SLC13A3: variants seen among roughly 807,000 people sequenced by gnomAD.
The protein encoded by SLC13A3 is solute carrier family 13 member 3.
SLC13A3 carries 40 observed loss-of-function variants against 59.0 expected under a neutral mutation model. The ratio of observed to expected loss-of-function variants is 0.68; its 90% confidence interval spans 0.53 to 0.88. The LOEUF is 0.88. SLC13A3 is among the 40% of genes least tolerant of loss of function. The pLI is 0.00. For synonymous variants in SLC13A3, 317 were observed against 330.3 expected (o/e 0.96, Z 0.44); for missense variants, 699 against 783.2 (o/e 0.89, Z 1.28).
At chr20:46,634,972 G>A (rs2062781728) in intron 1 of SLC13A3, among the ~76,000 whole-genome samples, 1 of 152,134 alleles carries the variant, frequency 6.6e-6, no homozygotes, top group African/African-American at 2.4e-5. Flanking sequence ...GGTGCTAATG[G>A]GAGGCCTTTC....
intron 3 of SLC13A3, chr20:46,608,942 C>T: frequency 1.9e-6 from 3 of 1,550,936 alleles, no homozygotes; most frequent in Non-Finnish European, 2.6e-6. Context: ...GGAAGTTGCA[C>T]ACATCATTTC....
At chr20:46,598,273 G>A (rs1164587698) in intron 4 of SLC13A3, among the ~76,000 whole-genome samples, 1 of 152,206 alleles carries the variant, frequency 6.6e-6, no homozygotes, top group Admixed American at 6.5e-5. Flanking sequence ...AAGACCAGAA[G>A]CAGGTGGAAA....
chr20:46,672,089 C>T (rs1243171753), upstream of SLC13A3, among the ~76,000 whole-genome samples: 4 of 152,220 alleles, frequency 2.6e-5, no homozygotes, highest in African/African-American at 9.6e-5. Flanking sequence ...GGGGTCCTTC[C>T]ACCAGACTTC....
intron 1 of SLC13A3, among the ~76,000 whole-genome samples, chr20:46,676,419 T>C (rs1310148590): frequency 6.8e-6 from 1 of 147,298 alleles, no homozygotes; most frequent in African/African-American, 2.5e-5. Context: ...CTCTTTTTTT[T>C]TTTTTTTTTT....
intron 1 of SLC13A3, among the ~76,000 whole-genome samples, chr20:46,645,005 G>A (rs1002963054): frequency 3.9e-5 from 6 of 152,184 alleles, no homozygotes; most frequent in African/African-American, 1.4e-4. Context: ...CCAGAATTCT[G>A]AAATCATTTT....
chr20:46,637,088 C>T (rs888450791), intron 1 of SLC13A3, among the ~76,000 whole-genome samples: 1 of 152,132 alleles, frequency 6.6e-6, no homozygotes, highest in African/African-American at 2.4e-5. Context: ...CGTGAGCCAC[C>T]GCGCCCGGCC....
chr20:46,573,126 G>A (rs552251742), intron 10 of SLC13A3, among the ~76,000 whole-genome samples: 10 of 152,246 alleles, frequency 6.6e-5, no homozygotes, highest in South Asian at 6.2e-4. Context: ...AGTCTGTATC[G>A]TTATTTATGT....
At chr20:46,625,393 C>G (rs898634009) in intron 1 of SLC13A3, among the ~76,000 whole-genome samples, 1 of 152,214 alleles carries the variant, frequency 6.6e-6, no homozygotes, top group Non-Finnish European at 1.5e-5. Context: ...CATGTGTCTG[C>G]AGGGGTTTTT....
At chr20:46,675,136 G>A (rs894433739), upstream of SLC13A3, among the ~76,000 whole-genome samples, 6 of 152,148 alleles carry the variant, frequency 3.9e-5, no homozygotes, top group African/African-American at 1.4e-4. Flanking sequence ...GCTGACCCAG[G>A]GGAATAGTGG....
chr20:46,635,383 C>T (rs1178108525), intron 1 of SLC13A3, among the ~76,000 whole-genome samples: 1 of 152,190 alleles, frequency 6.6e-6, no homozygotes, highest in African/African-American at 2.4e-5. Flanking sequence ...ACAGCCGCGT[C>T]CATGCAAAGT....
At chr20:46,600,578 T>A (rs953050061) in intron 3 of SLC13A3, 2 of 459,402 alleles carry the variant, frequency 4.4e-6, no homozygotes, top group Non-Finnish European at 9.1e-6. Context: ...TAACTCAAGC[T>A]TAGGCTTACC....
chr20:46,617,210 A>G (rs1476933558), intron 1 of SLC13A3, among the ~76,000 whole-genome samples: 1 of 152,226 alleles, frequency 6.6e-6, no homozygotes, highest in Non-Finnish European at 1.5e-5. Context: ...CCAAGCTATC[A>G]TTCATTCATC....
rs546485714 is a variant in SLC13A3 at position 46,577,750 on chromosome 20, G to A, written c.1220-2065C>T. On this transcript the variant is annotated intron_variant, in intron 9 of 12. Coordinates refer to ENST00000279027, the MANE Select transcript of SLC13A3 (RefSeq NM_022829.6). ...ACTGCAGCTCAACCTGATACCAGCC[G>A]ACTGTCTACAGCAGTAGCTGAAGGC... 8.3e-4 allele frequency among the ~76,000 whole-genome samples: 127 copies of A among 152,330 alleles called. 3 individuals are homozygous for A. The South Asian group carries it at 0.024, about 29-fold the overall frequency.
At chr20:46,678,099 G>A (rs1346062894) in intron 1 of SLC13A3, among the ~76,000 whole-genome samples, 1 of 152,182 alleles carries the variant, frequency 6.6e-6, no homozygotes, top group African/African-American at 2.4e-5. Flanking sequence ...TTTACAGGTG[G>A]AGAAACTGAG....
At chr20:46,628,841 C>T (rs181459010) in intron 1 of SLC13A3, among the ~76,000 whole-genome samples, 2 of 152,352 alleles carry the variant, frequency 1.3e-5, no homozygotes, top group East Asian at 3.9e-4. Flanking sequence ...TCCATCATCA[C>T]AGAAAGTTTT....
chr20:46,586,255 C>T (rs1381565620), intron 8 of SLC13A3, among the ~76,000 whole-genome samples: 2 of 152,026 alleles, frequency 1.3e-5, no homozygotes, highest in Non-Finnish European at 2.9e-5. Flanking sequence ...AATCATGTTC[C>T]CACTCACACC....
At position 46,568,894 on chromosome 20, in the gene SLC13A3, A is replaced by C. The variant is rs6017922; in HGVS notation, c.1333-2504T>G. 6.6e-3 allele frequency among the ~76,000 whole-genome samples: 1,007 copies of C among 152,288 alleles called. 22 individuals carry two copies. In the East Asian group the frequency reaches 0.067, roughly 10 times the overall value. On this transcript the variant is annotated intron_variant, in intron 10 of 12. Coordinates refer to ENST00000279027, the MANE Select transcript of SLC13A3 (RefSeq NM_022829.6). ...TTGGCACAGCTCCAGCGCTGGAGGG[A>C]GGTCTGGCAGCTTCCTAAGAGAGGA... is the stretch of plus-strand genomic sequence containing the variant.
At chr20:46,621,814 C>T (rs548948074) in intron 1 of SLC13A3, among the ~76,000 whole-genome samples, 8 of 152,308 alleles carry the variant, frequency 5.3e-5, no homozygotes, top group East Asian at 3.9e-4. Flanking sequence ...TTCTCCCTAC[C>T]GCTCCGCTAA....
chr20:46,585,303 T>C, intron 8 of SLC13A3: 2 of 989,362 alleles, frequency 2.0e-6, no homozygotes, highest in Non-Finnish European at 2.4e-6. Flanking sequence ...CTCATGGTGA[T>C]GATCTCTGGG....
Sources: allele counts gnomAD v4.1 joint callset (sites outside exome capture counted in the v4.1 genomes callset), GRCh38; gene constraint gnomAD v4.1.1; transcripts MANE v1.5; gene names NCBI Gene and HGNC (gene_info 2026-07-23, HGNC 2026-07-21).